Variants in ASXL1 observed in about 807,000 individuals in gnomAD.
ASXL1 encodes polycomb group protein ASXL1.
In ASXL1, 65 loss-of-function variants were observed where a neutral mutation model predicts 89.1. The ratio of observed to expected loss-of-function variants is 0.73; its 90% CI spans 0.60 to 0.90. The LOEUF (loss-of-function observed/expected upper bound fraction) is 0.90. Among genes scored for constraint, ASXL1 ranks in the 40% least tolerant of loss-of-function variants. ASXL1 has a pLI of 0.00. For synonymous variants in ASXL1, 739 were observed against 746.9 expected, an observed-to-expected ratio of 0.99 and a Z score of 0.17; for missense variants, 1,786 against 1,942.9, an observed-to-expected ratio of 0.92 and a Z score of 1.52.
In ASXL1 at chr20:32,429,281, T is replaced by G; in HGVS notation, c.472-57T>G. 6.5e-7 allele frequency: 1 copy of G among 1,537,586 alleles called. No individual in the cohort carries two copies. The highest frequency in any genetic ancestry group is 1.7e-5 in the Admixed American group (1 of 57,572). ...GAGTAGAGATAGTGTCGCCAGGGAA[T>G]GCTTTTGTGGCTCTGCAGTTGACTT... is the stretch of plus-strand genomic sequence containing the variant. On this transcript the variant is annotated intron_variant, in intron 6 of 12. Coordinates refer to ENST00000375687, the MANE Select transcript of ASXL1 (RefSeq NM_015338.6). This position sits in a 1 kb window ranked among gnomAD's most constrained non-coding sequence, Gnocchi z 4.9.
intron 4 of ASXL1, among the ~76,000 whole-genome samples, chr20:32,381,872 G>GT: frequency 6.7e-6 from 1 of 149,792 alleles, no homozygotes; most frequent in East Asian, 2.0e-4. Flanking sequence ...TTTTATATCA[G>GT]TTTTTGTTAT....
At chr20:32,425,927 A>T (rs1475841150) in intron 4 of ASXL1, among the ~76,000 whole-genome samples, 2 of 151,848 alleles carry the variant, frequency 1.3e-5, no homozygotes, top group East Asian at 3.9e-4. Context: ...CTTGTCTTGA[A>T]CCCCTGACCT....
At position 32,435,709 on chromosome 20, in the gene ASXL1, G is replaced by C. The variant is rs747146770; in HGVS notation, c.2997G>C (p.Thr999=). 2 of 1,614,168 alleles carry C rather than the reference G, an allele frequency of 1.2e-6. No individual in the cohort carries two copies. Among genetic ancestry groups the C allele is most frequent in the Non-Finnish European group, 1.7e-6 (2 of 1,180,030 alleles). ...CACTGAGTCCTCACGGTGAGTCCAC[G>C]GATACAGCCTCTGACTTTGAAGGTC... The part of the protein sequence containing the change: ...SEALSPHGES[T]DTASDFEGHL... The change falls in exon 13 of 13, where the codon ACG becomes ACC. Residue 999 remains threonine (T), a synonymous_variant. Transcript: ENST00000375687.
intron 4 of ASXL1, among the ~76,000 whole-genome samples, chr20:32,400,693 A>G (rs545733061): frequency 3.3e-5 from 5 of 152,216 alleles, no homozygotes; most frequent in African/African-American, 1.2e-4. Flanking sequence ...GTATTGTCCC[A>G]TGAATTCTAG....
In ASXL1 at chr20:32,358,850, G is replaced by C; in HGVS notation, c.57+18G>C. 6.6e-7 allele frequency: 1 copy of C among 1,504,430 alleles called. No individual in the cohort carries two copies. Among genetic ancestry groups the C allele is most frequent in the Non-Finnish European group, 8.9e-7 (1 of 1,125,646 alleles). The allele number at this position is 1,504,430 out of a possible 1,614,324, so 93.2% of individuals were successfully genotyped here. On this transcript the variant is annotated intron_variant, in intron 1 of 12. Coordinates refer to ENST00000375687, the MANE Select transcript of ASXL1 (RefSeq NM_015338.6). ...CGCGCCTGGTGAGGCGGACAGCCGA[G>C]GGGGGCTCCGTGGGGCCCGGGGTGG...
intron 4 of ASXL1, among the ~76,000 whole-genome samples, chr20:32,389,477 A>G (rs189559169): frequency 2.7e-4 from 41 of 152,224 alleles, no homozygotes; most frequent in African/African-American, 9.9e-4. Flanking sequence ...TGTTGCTGGG[A>G]ATGGGACTGA....
At position 32,419,839 on chromosome 20, in the gene ASXL1, C is replaced by T. The variant is rs548053674; in HGVS notation, c.253-8289C>T. 9.2e-5 allele frequency among the ~76,000 whole-genome samples: 14 copies of T among 151,950 alleles called. No homozygotes were observed. In the East Asian group the frequency reaches 9.7e-4, roughly 11 times the overall value. ...GGATTACAGGCGTGCGCTACCACGCCGGGCTAATTTTTGTATTTTTACTAG... is the reference window on the plus strand; with the variant it reads ...GGATTACAGGCGTGCGCTACCACGCTGGGCTAATTTTTGTATTTTTACTAG... On this transcript the variant is annotated intron_variant, in intron 4 of 12. Coordinates refer to ENST00000375687, the MANE Select transcript of ASXL1 (RefSeq NM_015338.6).
rs1314081658 is a variant in ASXL1 at position 32,434,490 on chromosome 20, T to TA, written c.1779dup (p.Cys594MetfsTer25). ...GTTAAAGGTCAGCCCACTTACCAGA[T>TA]ATGCCCCCGGATCATCCCCACCACG... On this transcript the variant is annotated frameshift_variant, in exon 13 of 13. Coordinates refer to ENST00000375687, the MANE Select transcript of ASXL1 (RefSeq NM_015338.6). LOFTEE classifies it low-confidence loss of function (END_TRUNC). 2.5e-6 allele frequency: 4 copies of TA among 1,614,010 alleles called. No homozygotes were observed. Among genetic ancestry groups the TA allele is most frequent in the Non-Finnish European group, 3.4e-6 (4 of 1,180,038 alleles).
chr20:32,437,104 CA>C lies in ASXL1; in HGVS notation c.4395del (p.Gly1466AlafsTer9). On this transcript the variant is annotated frameshift_variant, in exon 13 of 13. Coordinates refer to ENST00000375687, the MANE Select transcript of ASXL1 (RefSeq NM_015338.6). LOFTEE classifies it high-confidence loss of function. ...NYSSSSPTFP[K>X]GLAGSVVQLS... ...ATTCCTCTAGCTCTCCCACCTTTCCCAAAGGCCTTGCTGGAAGTGTGGTGCA... is the reference window on the plus strand; with the variant it reads ...ATTCCTCTAGCTCTCCCACCTTTCCCAAGGCCTTGCTGGAAGTGTGGTGCA... 1 of 1,614,184 alleles carries C rather than the reference CA, an allele frequency of 6.2e-7. No individual in the cohort carries two copies. The highest frequency in any genetic ancestry group is 8.5e-7 in the Non-Finnish European group (1 of 1,180,034).
chr20:32,389,506 AGT>A (rs755451030), intron 4 of ASXL1, among the ~76,000 whole-genome samples: 3 of 152,034 alleles, frequency 2.0e-5, no homozygotes, highest in Non-Finnish European at 4.4e-5. Context: ...AGTGTATAAT[AGT>A]ATCTTGTTTT....
At position 32,434,591 on chromosome 20, in the gene ASXL1, G is replaced by A; in HGVS notation, c.1879G>A (p.Ala627Thr). ...AGCCCGTGCTCTGCAGGTCCGAGGG[G>A]CGAGAGGTCACCACTGCCATAGAGA... ...IKARALQVRG[A>T]RGHHCHREAA... is the part of the protein sequence containing the mutation. The change falls in exon 13 of 13, where the codon GCG becomes ACG. Residue 627 changes from alanine to threonine, a missense_variant. Ala to Thr is a moderately conservative substitution (Grantham distance 58, BLOSUM62 0). Around this residue, in one of 3 missense-constraint regions of ASXL1, gnomAD observed 1,418 missense variants for 1,427.8 expected, o/e 0.99. Coordinates refer to ENST00000375687, the MANE Select transcript of ASXL1 (RefSeq NM_015338.6). 6.2e-7 allele frequency: 1 copy of A among 1,613,142 alleles called. No individual in the cohort carries two copies.
intron 4 of ASXL1, among the ~76,000 whole-genome samples, chr20:32,386,961 CTGTT>C (rs1214609745): frequency 2.0e-5 from 3 of 151,996 alleles, no homozygotes; most frequent in Admixed American, 6.6e-5. Context: ...GCGTAACTAG[CTGTT>C]TGTTCTGATA....
chr20:32,399,516 C>T (rs2123043882), intron 4 of ASXL1, among the ~76,000 whole-genome samples: 1 of 148,074 alleles, frequency 6.8e-6, no homozygotes, highest in East Asian at 2.0e-4. Context: ...TTTTTTTGGC[C>T]ATTTTTTTCA....
At chr20:32,360,796 A>G (rs915891088) in intron 1 of ASXL1, 1 of 165,712 alleles carries the variant, frequency 6.0e-6, no homozygotes, top group African/African-American at 2.4e-5. Flanking sequence ...ACTTCAAGCC[A>G]GGTTATCAGG....
At chr20:32,403,782 A>C (rs1423737641) in intron 4 of ASXL1, among the ~76,000 whole-genome samples, 1 of 152,196 alleles carries the variant, frequency 6.6e-6, no homozygotes, top group African/African-American at 2.4e-5. Context: ...TAAATGCATT[A>C]AACCCATTGG....
In ASXL1 at chr20:32,434,883, T is replaced by C. The variant is rs2145364556; in HGVS notation, c.2171T>C (p.Leu724Pro). 1 of 1,614,136 alleles carries C rather than the reference T, an allele frequency of 6.2e-7. No homozygotes were observed. Among genetic ancestry groups the C allele is most frequent in the Non-Finnish European group, 8.5e-7 (1 of 1,180,010 alleles). The change falls in exon 13 of 13, where the codon CTG becomes CCG. Residue 724 changes from leucine to proline, a missense_variant. By Grantham distance (98) the Leu-to-Pro change is moderately conservative. Transcript: ENST00000375687. Reference sequence around the variant, plus strand: ...GCTAGGAGAGAGGACCTGCCTTCTCTGAGAAAGGAGGAAAGCTGCCTACTA... The same window carrying C: ...GCTAGGAGAGAGGACCTGCCTTCTCCGAGAAAGGAGGAAAGCTGCCTACTA... ...SRARREDLPS[L>P]RKEESCLLQR...
rs750064853 is a variant in ASXL1, at chr20:32,431,584, T to C, written c.884T>C (p.Val295Ala). The C allele has an allele frequency of 3.6e-5, 58 of 1,614,168 alleles. No individual in the cohort carries two copies. The highest frequency in any genetic ancestry group is 4.2e-6 in the Non-Finnish European group (5 of 1,180,016). ...TTTTTTCCCCCTTGATCCTTCTAGG[T>C]GGGGACGGATGGCCTGTTGCGTCTC... ...LFLLPEVDRQ[V>A]GTDGLLRLSS... The change falls in exon 10 of 13, where the codon GTG (valine) becomes GCG (alanine). Residue 295 changes from valine to alanine, a missense_variant and splice_region_variant. Physicochemically the swap from Val to Ala is moderately conservative, Grantham distance 64 (BLOSUM62 0). Transcript: ENST00000375687.
chr20:32,435,926 G>A lies in ASXL1; in HGVS notation c.3214G>A (p.Val1072Ile). The A allele has an allele frequency of 6.2e-7, 1 of 1,614,176 alleles. No homozygotes were observed. Among genetic ancestry groups the A allele is most frequent in the South Asian group, 1.1e-5 (1 of 91,088 alleles). ...GAGCTGGGTGTCTCGAGTATGTGCG[G>A]TCCGCCAAAAGATCCCAGATTCCCT... ...PQSWVSRVCA[V>I]RQKIPDSLLL... The change falls in exon 13 of 13, where the codon GTC becomes ATC. Residue 1072 changes from valine to isoleucine, a missense_variant. By Grantham distance (29) the Val-to-Ile change is conservative. Coordinates refer to ENST00000375687, the MANE Select transcript of ASXL1 (RefSeq NM_015338.6).
chr20:32,433,899 C>T lies in ASXL1; in HGVS notation c.1701C>T (p.Pro567=), dbSNP rs781094164. ...TEKPQPTKEE[P]KVPPIRIQLS... is the part of the protein sequence containing the mutation. ...AGCCACAGCCCACTAAAGAGGAGCC[C>T]AAAGTCCCGCCCATCCGGGTAGGAG... is the stretch of plus-strand genomic sequence containing the variant. The change falls in exon 12 of 13, where the codon CCC becomes CCT. Residue 567 remains proline, a synonymous_variant. Transcript: ENST00000375687. The T allele has an allele frequency of 2.5e-6, 4 of 1,613,106 alleles. No individual in the cohort carries two copies. In the African/African-American group the frequency reaches 5.3e-5, roughly 22 times the overall value.
Sources: allele counts gnomAD v4.1 joint callset (sites outside exome capture counted in the v4.1 genomes callset), GRCh38; gene constraint gnomAD v4.1.1; regional missense constraint gnomAD v4.1.1; non-coding constraint Gnocchi (gnomAD v3.1); transcripts MANE v1.5; gene names NCBI Gene and HGNC (gene_info 2026-07-23, HGNC 2026-07-21).